The following CHM variants were observed in gnomAD, a reference collection of about 807,000 sequenced individuals.
CHM encodes rab proteins geranylgeranyltransferase component A 1.
Under a neutral mutation model 49.0 loss-of-function variants are expected in CHM, and 10 were observed. The ratio of observed to expected loss-of-function variants is 0.20; its 90% CI spans 0.13 to 0.35. The LOEUF (loss-of-function observed/expected upper bound fraction) is 0.35, where lower values mean the gene tolerates loss of function less well. Ranked by LOEUF, CHM falls within the 10% of genes least tolerant of loss-of-function variation. CHM has a pLI of 1.00. For missense variants in CHM, 455 were observed against 478.4 expected (o/e 0.95, Z 0.46); for synonymous variants, 184 against 167.5 (o/e 1.10, Z -0.76).
rs372819339 is a variant in CHM at position 85,981,744 on chromosome X, T to G, written c.182A>C (p.Glu61Ala). 38 of 1,187,370 alleles carry G rather than the reference T, an allele frequency of 3.2e-5. No homozygotes were observed. Among genetic ancestry groups the G allele is most frequent in the Non-Finnish European group, 4.1e-5 (36 of 879,047 alleles). Reference protein sequence around the residue: ...SFSGLLSWLKEYQENSDIVSD... With the variant: ...SFSGLLSWLKAYQENSDIVSD... Reference sequence around the variant, plus strand: ...GTCAGATACAAACTTTACCTGGTATTCCTTTAGCCAGGACAATAGTCCTGA... The same window carrying G: ...GTCAGATACAAACTTTACCTGGTATGCCTTTAGCCAGGACAATAGTCCTGA... The change falls in exon 3 of 15, where the codon GAA becomes GCA. Residue 61 changes from glutamate to alanine, a missense_variant. By Grantham distance (107) the Glu-to-Ala change is moderately radical. Coordinates refer to ENST00000357749, the MANE Select transcript of CHM (RefSeq NM_000390.4).
chrX:86,032,086 A>C (rs1934066610), intron 1 of CHM, among the ~76,000 whole-genome samples: 1 of 112,284 alleles, frequency 8.9e-6, no homozygotes, highest in African/African-American at 3.2e-5. Flanking sequence ...ACACCTGTTC[A>C]AATTCAATGC....
chrX:85,875,624 A>G (rs1175951513), intron 13 of CHM, among the ~76,000 whole-genome samples: 2 of 111,800 alleles, frequency 1.8e-5, no homozygotes, highest in Non-Finnish European at 1.9e-5. Flanking sequence ...CTGAGTCTGG[A>G]TACAGCACAC....
chrX:86,037,100 CTAATTTT>C, intron 1 of CHM, among the ~76,000 whole-genome samples: 1 of 100,833 alleles, frequency 9.9e-6, no homozygotes, highest in Non-Finnish European at 2.0e-5. Flanking sequence ...TCCACTACAA[CTAATTTT>C]TCCTTTTTTT....
chrX:85,909,214 A>ATT (rs1926782887), intron 9 of CHM, among the ~76,000 whole-genome samples: 1 of 111,816 alleles, frequency 8.9e-6, no homozygotes, highest in Non-Finnish European at 1.9e-5. Flanking sequence ...ATATTCTTAG[A>ATT]AGCAGTCTGT....
intron 8 of CHM, among the ~76,000 whole-genome samples, chrX:85,945,645 T>A (rs780518712): frequency 1.3e-4 from 14 of 108,390 alleles, no homozygotes; most frequent in Non-Finnish European, 2.7e-4. Context: ...CAGGTATTTC[T>A]TTATACGAGT....
intron 1 of CHM, among the ~76,000 whole-genome samples, chrX:86,033,858 T>C: frequency 8.9e-6 from 1 of 112,117 alleles, no homozygotes; most frequent in Non-Finnish European, 1.9e-5. Context: ...TAAATGTAAT[T>C]TAAAATCTCT....
At chrX:85,878,738 G>GT (rs1194334835) in intron 13 of CHM, among the ~76,000 whole-genome samples, 5 of 110,863 alleles carry the variant, frequency 4.5e-5, no homozygotes, top group Non-Finnish European at 7.6e-5. Flanking sequence ...GCTTAATTAT[G>GT]TTTTTTTGGT....
At chrX:85,897,590 T>C (rs1478846676) in intron 11 of CHM, among the ~76,000 whole-genome samples, 2 of 108,951 alleles carry the variant, frequency 1.8e-5, no homozygotes, top group East Asian at 5.8e-4. Context: ...CGAAGCAAGG[T>C]TGGTGGGGGA....
intron 2 of CHM, among the ~76,000 whole-genome samples, chrX:86,002,394 C>G (rs1932759233): frequency 9.0e-6 from 1 of 111,487 alleles, no homozygotes; most frequent in Admixed American, 9.5e-5. Context: ...TTCTTTCATT[C>G]TAACTAATGT....
intron 2 of CHM, among the ~76,000 whole-genome samples, chrX:85,995,459 T>G (rs1215974888): frequency 9.0e-6 from 1 of 110,711 alleles, no homozygotes; most frequent in Non-Finnish European, 1.9e-5. Flanking sequence ...GTGAGAGTCA[T>G]AACTTGAACC....
chrX:85,981,818 AT>A lies in CHM; in HGVS notation c.117-10del, dbSNP rs750474797. The A allele has an allele frequency of 9.4e-7, 1 of 1,064,409 alleles. No individual in the cohort carries two copies. Among genetic ancestry groups the A allele is most frequent in the Admixed American group, 3.1e-5 (1 of 32,578 alleles). The allele number at this position is 1,064,409 out of a possible 1,213,427, so 87.7% of individuals were successfully genotyped here. A position where few individuals can be genotyped will look rare whatever the true frequency, so the allele number is the denominator to read the frequency against. On this transcript the variant is annotated splice_polypyrimidine_tract_variant and intron_variant, in intron 2 of 14. Transcript: ENST00000357749. ...CTCCATAGTAGCTTCTTCTGTAACA[AT>A]TAAAAAAAAAAAAAAAAGTAAAGAA... is the stretch of plus-strand genomic sequence containing the variant.
chrX:85,996,197 A>T (rs1337999194), intron 2 of CHM, among the ~76,000 whole-genome samples: 1 of 112,278 alleles, frequency 8.9e-6, no homozygotes, highest in African/African-American at 3.2e-5. Context: ...AAGAAACCTC[A>T]CATGAATAGC....
chrX:85,891,900 T>G (rs1250126493), intron 12 of CHM, among the ~76,000 whole-genome samples: 11 of 111,059 alleles, frequency 9.9e-5, no homozygotes, highest in Non-Finnish European at 2.1e-4. Context: ...GCCACAAGAG[T>G]GGAGCTGCCC....
chrX:85,938,544 CTTTT>C (rs528393414), intron 8 of CHM, among the ~76,000 whole-genome samples: 1 of 91,177 alleles, frequency 1.1e-5, no homozygotes, highest in Admixed American at 1.2e-4. Context: ...GGTTCCTAAT[CTTTT>C]TTTTTTTTTT....
At chrX:86,000,689 T>C (rs1932673764) in intron 2 of CHM, among the ~76,000 whole-genome samples, 1 of 111,201 alleles carries the variant, frequency 9.0e-6, no homozygotes, top group South Asian at 3.8e-4. Context: ...AGTCCTGTCA[T>C]TTTCAGCAAC....
rs1929147546 is a variant in CHM at position 85,942,247 on chromosome X, C to CG, written c.1166+13905_1166+13906insC. 2.8e-5 allele frequency among the ~76,000 whole-genome samples: 3 copies of CG among 109,047 alleles called. No individual in the cohort carries two copies. In the South Asian group the frequency reaches 1.2e-3, roughly 44 times the overall value. The allele number at this position is 109,047 out of a possible 115,157, so 94.7% of individuals were successfully genotyped here. On this transcript the variant is annotated intron_variant, in intron 8 of 14. Transcript: ENST00000357749. ...TAGTACTAACGGCAACATTTTCCAA[C>CG]TTTTCCCCTTCCCTTAGCCCCCAAC...
chrX:85,912,930 TTGAATCTGGGAAGCAG>T (rs1927120931), intron 8 of CHM, among the ~76,000 whole-genome samples: 1 of 104,475 alleles, frequency 9.6e-6, no homozygotes, highest in Admixed American at 1.0e-4. Context: ...GGAGAATTGC[TTGAATCTGGGAAGCAG>T]AGATTGCAGT....
At chrX:85,888,608 C>T (rs942362662) in intron 12 of CHM, among the ~76,000 whole-genome samples, 2 of 111,445 alleles carry the variant, frequency 1.8e-5, no homozygotes, top group Non-Finnish European at 3.8e-5. Flanking sequence ...GACCAAAGAG[C>T]AAAATGGCAG....
At chrX:85,988,120 C>G (rs983141152) in intron 2 of CHM, among the ~76,000 whole-genome samples, 4 of 112,103 alleles carry the variant, frequency 3.6e-5, no homozygotes, top group Non-Finnish European at 7.5e-5. Flanking sequence ...AAAATACTTG[C>G]AAACGGAATC....
Sources: gnomAD v4.1 joint callset for allele counts (sites outside exome capture counted in the v4.1 genomes callset) on GRCh38, gnomAD v4.1.1 for gene constraint, MANE v1.5 for transcripts, NCBI Gene and HGNC (gene_info 2026-07-23, HGNC 2026-07-21) for gene names.